GALNT17: variants seen among roughly 807,000 people sequenced by gnomAD.
GALNT17 encodes polypeptide N-acetylgalactosaminyltransferase 17, also known as UDP-GalNAc:polypeptide N-acetylgalactosaminyltransferase-like 3.
In GALNT17, 29 loss-of-function variants were observed where a neutral mutation model predicts 63.7. The observed-to-expected ratio is 0.46, with a 90% CI of 0.34 to 0.62. The LOEUF (loss-of-function observed/expected upper bound fraction) is 0.62, where lower values mean the gene tolerates loss of function less well. Among genes scored for constraint, GALNT17 ranks in the 20% least tolerant of loss-of-function variants. The probability of loss-of-function intolerance (pLI) is 0.01; values close to 1 mark genes in which losing one functional copy is unlikely to be tolerated. For missense variants in GALNT17, 603 were observed against 799.6 expected (o/e 0.75, Z 2.97); for synonymous variants, 305 against 318.3 (o/e 0.96, Z 0.45).
chr7:71,147,778 T>G (rs11983542), intron 1 of GALNT17, among the ~76,000 whole-genome samples: 1,847 of 151,912 alleles, frequency 0.012, 39 homozygotes, highest in African/African-American at 0.043. Context: ...ACTACAAGAG[T>G]GCACCACCAC....
chr7:71,208,817 A>C (rs1789321856), intron 1 of GALNT17, among the ~76,000 whole-genome samples: 1 of 152,136 alleles, frequency 6.6e-6, no homozygotes, highest in African/African-American at 2.4e-5. Context: ...ATGTTTCTGT[A>C]TTTTTATGAT....
Position 71,335,662 on chromosome 7 carries a change from G to A in GALNT17, c.351G>A (p.Lys117=), listed in dbSNP as rs1427102544. 7 of 1,613,528 alleles carry A rather than the reference G, an allele frequency of 4.3e-6. No individual in the cohort carries two copies. Among genetic ancestry groups the A allele is most frequent in the Non-Finnish European group, 5.9e-6 (7 of 1,179,800 alleles). ...AAAAGGCTAAGGGACCCCATGAGAA[G>A]TATGGCTACAATTCATACCTCAGTG... The part of the protein sequence containing the change: ...EEEKAKGPHE[K]YGYNSYLSEK... Residue 117 remains lysine (K), a synonymous_variant, in exon 2 of 11, where the codon AAG becomes AAA. Coordinates refer to ENST00000333538, the MANE Select transcript of GALNT17 (RefSeq NM_022479.3).
chr7:71,473,446 G>A (rs1003413851), intron 5 of GALNT17, among the ~76,000 whole-genome samples: 1 of 152,134 alleles, frequency 6.6e-6, no homozygotes, highest in Non-Finnish European at 1.5e-5. Flanking sequence ...AATATATTTT[G>A]GGGTAAAACA....
intron 5 of GALNT17, among the ~76,000 whole-genome samples, chr7:71,433,826 A>G (rs949917845): frequency 6.6e-6 from 1 of 152,180 alleles, no homozygotes; most frequent in African/African-American, 2.4e-5. Flanking sequence ...TTGTTTCTGC[A>G]TGTATTTATG....
intron 1 of GALNT17, among the ~76,000 whole-genome samples, chr7:71,196,735 C>T (rs916176777): frequency 6.6e-6 from 1 of 151,976 alleles, no homozygotes. Flanking sequence ...TTCACTGCAA[C>T]CTCTGCTTCC....
intron 2 of GALNT17, among the ~76,000 whole-genome samples, chr7:71,364,678 A>T (rs554427327): frequency 6.6e-6 from 1 of 152,280 alleles, no homozygotes; most frequent in East Asian, 1.9e-4. Flanking sequence ...GAAAAGAGGG[A>T]GGTATGTCAG....
intron 5 of GALNT17, among the ~76,000 whole-genome samples, chr7:71,508,643 C>T (rs955125810): frequency 6.6e-6 from 1 of 152,070 alleles, no homozygotes; most frequent in African/African-American, 2.4e-5. Flanking sequence ...AGGTCCTCGC[C>T]GGCACCAGCT....
chr7:71,315,961 G>A (rs934155953), intron 1 of GALNT17, among the ~76,000 whole-genome samples: 11 of 152,268 alleles, frequency 7.2e-5, no homozygotes, highest in African/African-American at 2.6e-4. Flanking sequence ...ATTGAGCTGG[G>A]TAGGTCTGTC....
intron 2 of GALNT17, among the ~76,000 whole-genome samples, chr7:71,342,550 G>A (rs1465511852): frequency 1.3e-5 from 2 of 151,932 alleles, no homozygotes; most frequent in Non-Finnish European, 2.9e-5. Context: ...AAAAACAAAA[G>A]CTCTCCAATA....
chr7:71,335,672 A>G lies in GALNT17; in HGVS notation c.361A>G (p.Asn121Asp), dbSNP rs1285640037. The G allele has an allele frequency of 3.0e-5, 49 of 1,612,970 alleles. No homozygotes were observed. The highest frequency in any genetic ancestry group is 4.0e-5 in the Non-Finnish European group (47 of 1,179,614). ...AKGPHEKYGY[N>D]SYLSEKISLD... Reference sequence around the variant, plus strand: ...GGGACCCCATGAGAAGTATGGCTACAATTCATACCTCAGTGAAAAAATTTC... The same window carrying G: ...GGGACCCCATGAGAAGTATGGCTACGATTCATACCTCAGTGAAAAAATTTC... Residue 121 changes from asparagine (N) to aspartate (D), a missense_variant, in exon 2 of 11, where the codon AAT becomes GAT. By Grantham distance (23) the Asn-to-Asp change is conservative (BLOSUM62 1). This residue lies in a region of GALNT17 where 195 missense variants were observed against 215.0 expected (regional missense o/e 0.91). Coordinates refer to ENST00000333538, the MANE Select transcript of GALNT17 (RefSeq NM_022479.3).
chr7:71,561,073 C>T (rs1789248039), intron 5 of GALNT17, among the ~76,000 whole-genome samples: 1 of 152,046 alleles, frequency 6.6e-6, no homozygotes, highest in African/African-American at 2.4e-5. Flanking sequence ...AGTGCAGTGG[C>T]ATGATCTTGG....
At chr7:71,420,873 AAG>A (rs2116452386) in intron 4 of GALNT17, 33 bp from the exon 5 acceptor site, 1 of 1,602,058 alleles carries the variant, frequency 6.2e-7, no homozygotes, top group South Asian at 1.1e-5. Context: ...CACGGGAGAG[AAG>A]AGAGGTTTCA....
chr7:71,520,193 T>C (rs949015586), intron 5 of GALNT17, among the ~76,000 whole-genome samples: 4 of 152,124 alleles, frequency 2.6e-5, no homozygotes, highest in South Asian at 2.1e-4. Flanking sequence ...TTCTGATCTT[T>C]CGTGGGCTCT....
intron 1 of GALNT17, among the ~76,000 whole-genome samples, chr7:71,188,872 G>A (rs188556875): frequency 3.9e-4 from 59 of 152,244 alleles, no homozygotes; most frequent in African/African-American, 1.4e-3. Context: ...AAATAGAGTC[G>A]GGGAGAGTGA....
intron 1 of GALNT17, among the ~76,000 whole-genome samples, chr7:71,146,979 T>C (rs1788036198): frequency 6.6e-6 from 1 of 152,194 alleles, no homozygotes; most frequent in African/African-American, 2.4e-5. Context: ...TACTGAGGAA[T>C]GTCCTGTAGT....
intron 6 of GALNT17, among the ~76,000 whole-genome samples, chr7:71,574,941 G>A (rs993979456): frequency 3.0e-4 from 45 of 152,036 alleles, no homozygotes; most frequent in African/African-American, 1.1e-3. Flanking sequence ...CCCTTCCATG[G>A]CCACACTGGC....
chr7:71,232,474 G>T (rs1295801922), intron 1 of GALNT17, among the ~76,000 whole-genome samples: 2 of 152,114 alleles, frequency 1.3e-5, no homozygotes, highest in Admixed American at 6.5e-5. Flanking sequence ...ATAGGGCATA[G>T]GAAAGCAGGA....
chr7:71,208,660 G>A (rs1418216488), intron 1 of GALNT17, among the ~76,000 whole-genome samples: 1 of 151,618 alleles, frequency 6.6e-6, no homozygotes, highest in Non-Finnish European at 1.5e-5. Context: ...CTATGTTGTC[G>A]AGGCTGGTCT....
chr7:71,645,877 G>A (rs1041825264), intron 6 of GALNT17, among the ~76,000 whole-genome samples: 1 of 152,066 alleles, frequency 6.6e-6, no homozygotes, highest in Admixed American at 6.5e-5. Context: ...TCACATAGAC[G>A]GGTCATGTCA....
Sources: gnomAD v4.1 joint callset for allele counts (sites outside exome capture counted in the v4.1 genomes callset) on GRCh38, gnomAD v4.1.1 for gene constraint, gnomAD v4.1.1 regional missense constraint, MANE v1.5 for transcripts, NCBI Gene and HGNC (gene_info 2026-07-23, HGNC 2026-07-21) for gene names.